Variants in UTRN observed in about 807,000 individuals in gnomAD.
The protein encoded by UTRN is dystrophin-related protein 1.
A neutral mutation model predicts 463.9 loss-of-function variants in UTRN; 283 were observed. That is an observed-to-expected ratio of 0.61 (90% CI 0.55 to 0.67). The LOEUF (loss-of-function observed/expected upper bound fraction) is 0.67. Ranked by LOEUF, UTRN falls within the 30% of genes least tolerant of loss-of-function variation. The pLI, the probability that UTRN is intolerant of heterozygous loss-of-function variation, is 0.00. For synonymous variants in UTRN, 1,442 were observed against 1,431.5 expected (o/e 1.01, Z -0.17); for missense variants, 3,922 against 4,084.3 (o/e 0.96, Z 1.08).
At chr6:144,789,824 T>C (rs2128742647) in intron 62 of UTRN, among the ~76,000 whole-genome samples, 1 of 152,316 alleles carries the variant, frequency 6.6e-6, no homozygotes, top group South Asian at 2.1e-4. Flanking sequence ...AACATGATTT[T>C]TAAATTTTTA....
chr6:144,709,680 T>C (rs985623064), intron 53 of UTRN, among the ~76,000 whole-genome samples: 1 of 152,210 alleles, frequency 6.6e-6, no homozygotes, highest in African/African-American at 2.4e-5. Flanking sequence ...TAATTTAAGA[T>C]GTCTAAAGAA....
chr6:144,402,971 A>C, intron 2 of UTRN, 152 bp from the exon 3 acceptor site: 1 of 692,118 alleles, frequency 1.4e-6, no homozygotes, highest in Non-Finnish European at 2.5e-6. Flanking sequence ...GGCAGTCATC[A>C]CATTCTGCAT....
intron 2 of UTRN, among the ~76,000 whole-genome samples, chr6:144,361,772 C>CTTTT (rs371182123): frequency 4.5e-5 from 6 of 134,802 alleles, no homozygotes; most frequent in African/African-American, 8.8e-5. Flanking sequence ...TTCTTTCTTT[C>CTTTT]TTTTTTTTTT....
intron 63 of UTRN, among the ~76,000 whole-genome samples, chr6:144,795,324 G>T (rs1465675901): frequency 6.6e-6 from 1 of 152,078 alleles, no homozygotes; most frequent in African/African-American, 2.4e-5. Context: ...TAGTGCCTCA[G>T]TAAACATACG....
At chr6:144,590,397 T>C (rs1295830807) in intron 51 of UTRN, among the ~76,000 whole-genome samples, 1 of 152,206 alleles carries the variant, frequency 6.6e-6, no homozygotes, top group African/African-American at 2.4e-5. Flanking sequence ...CGTTAAATTA[T>C]GTGTTCATTG....
intron 52 of UTRN, among the ~76,000 whole-genome samples, chr6:144,679,337 T>C (rs566614509): frequency 1.3e-5 from 2 of 152,246 alleles, no homozygotes; most frequent in East Asian, 1.9e-4. Flanking sequence ...CCTAATTATA[T>C]ATAAATTTAG....
intron 51 of UTRN, among the ~76,000 whole-genome samples, chr6:144,591,726 G>C (rs894300166): frequency 2.0e-5 from 3 of 151,728 alleles, no homozygotes; most frequent in Non-Finnish European, 4.4e-5. Flanking sequence ...CATCAGTTTT[G>C]AGTCTAAACT....
intron 50 of UTRN, among the ~76,000 whole-genome samples, chr6:144,561,548 C>G (rs1799924313): frequency 6.6e-6 from 1 of 151,952 alleles, no homozygotes; most frequent in African/African-American, 2.4e-5. Flanking sequence ...TTGTCCTTAT[C>G]GCATTTTACC....
At chr6:144,669,209 C>T (rs1780738454) in intron 51 of UTRN, among the ~76,000 whole-genome samples, 1 of 152,100 alleles carries the variant, frequency 6.6e-6, no homozygotes, top group South Asian at 2.1e-4. Flanking sequence ...TGGATAGACA[C>T]TCTATATCTT....
At chr6:144,453,599 A>G (rs1286055529) in intron 18 of UTRN, among the ~76,000 whole-genome samples, 183 bp from the exon 19 acceptor site, 7 of 152,226 alleles carry the variant, frequency 4.6e-5, no homozygotes, top group Non-Finnish European at 8.8e-5. Flanking sequence ...GCTTATAATT[A>G]TGAGGTACAT....
At chr6:144,787,259 G>A (rs1211838913) in intron 61 of UTRN, among the ~76,000 whole-genome samples, 1 of 152,060 alleles carries the variant, frequency 6.6e-6, no homozygotes, top group Non-Finnish European at 1.5e-5. Flanking sequence ...TGATAATTAG[G>A]AAACTTCTAA....
At chr6:144,332,643 C>T (rs1294105775) in intron 2 of UTRN, among the ~76,000 whole-genome samples, 1 of 151,948 alleles carries the variant, frequency 6.6e-6, no homozygotes, top group African/African-American at 2.4e-5. Flanking sequence ...ACTTAAGTTA[C>T]AAACACAAGA....
chr6:144,451,651 T>C (rs1203602546), intron 18 of UTRN, among the ~76,000 whole-genome samples, 158 bp downstream of exon 18: 1 of 151,914 alleles, frequency 6.6e-6, no homozygotes, highest in Non-Finnish European at 1.5e-5. Context: ...TTGAATCCAT[T>C]CATGCTAGCT....
At chr6:144,614,451 A>AGCT (rs1805858530) in intron 51 of UTRN, among the ~76,000 whole-genome samples, 2 of 152,162 alleles carry the variant, frequency 1.3e-5, no homozygotes, top group Non-Finnish European at 2.9e-5. Flanking sequence ...CCGCTAGGTT[A>AGCT]AATACATCCC....
rs948367064 is a variant in UTRN at position 144,817,221 on chromosome 6, T to G, written c.9358-3661T>G. ...TAAATGAGATTGAAGGAAAACAATT[T>G]ATAAGGTACAAGGTCCTATGCTAAC... On this transcript the variant is annotated intron_variant, in intron 65 of 74. Transcript: ENST00000367545. 2.0e-5 allele frequency among the ~76,000 whole-genome samples: 3 copies of G among 152,222 alleles called. 1 individual carries two copies. Among genetic ancestry groups the G allele is most frequent in the Admixed American group, 2.0e-4 (3 of 15,282 alleles).
intron 34 of UTRN, among the ~76,000 whole-genome samples, chr6:144,499,939 A>G (rs1794025220): frequency 6.6e-6 from 1 of 152,240 alleles, no homozygotes; most frequent in African/African-American, 2.4e-5. Context: ...TGCAAAGGAC[A>G]TGATTTCATT....
chr6:144,367,005 A>G (rs935414571), intron 2 of UTRN, among the ~76,000 whole-genome samples: 16 of 151,324 alleles, frequency 1.1e-4, no homozygotes, highest in Admixed American at 7.2e-4. Flanking sequence ...TTTTGTTTAG[A>G]TGGACTCTCG....
Position 144,435,998 on chromosome 6 carries a change from G to A in UTRN, c.919G>A (p.Val307Ile), listed in dbSNP as rs1334061985. 1 of 1,614,198 alleles carries A rather than the reference G, an allele frequency of 6.2e-7. No homozygotes were observed. Among genetic ancestry groups the A allele is most frequent in the Admixed American group, 1.7e-5 (1 of 60,024 alleles). The change falls in exon 10 of 75, where the codon GTT becomes ATT. Residue 307 changes from valine to isoleucine, a missense_variant. Coordinates refer to ENST00000367545, the MANE Select transcript of UTRN (RefSeq NM_007124.3). Reference protein sequence around the residue: ...RAETPSTVTEVDMDLDSYQIA... With the variant: ...RAETPSTVTEIDMDLDSYQIA... ...TGAAACTCCCAGCACTGTCACTGAGGTTGACATGGATCTGGACAGCTATCA... is the reference window on the plus strand; with the variant it reads ...TGAAACTCCCAGCACTGTCACTGAGATTGACATGGATCTGGACAGCTATCA...
At chr6:144,516,719 A>G (rs1054763173) in intron 38 of UTRN, 92 bp from the exon 39 acceptor site, 1 of 1,050,912 alleles carries the variant, frequency 9.5e-7, no homozygotes, top group African/African-American at 1.7e-5. Flanking sequence ...ATACTATACT[A>G]AGTAGGTTAG....
Sources: allele counts gnomAD v4.1 joint callset (sites outside exome capture counted in the v4.1 genomes callset), GRCh38; gene constraint gnomAD v4.1.1; transcripts MANE v1.5; gene names NCBI Gene and HGNC (gene_info 2026-07-23, HGNC 2026-07-21).